The following RBM27 variants were observed in gnomAD, a reference collection of about 807,000 sequenced individuals.
The protein encoded by RBM27 is RNA binding motif protein 27, also known as RNA-binding protein 27.
In RBM27, 22 loss-of-function variants were observed where a neutral mutation model predicts 135.3. The observed-to-expected ratio is 0.16, with a 90% confidence interval of 0.12 to 0.23. The LOEUF (loss-of-function observed/expected upper bound fraction) is 0.23. Ranked by LOEUF, RBM27 falls within the 10% of genes least tolerant of loss-of-function variation. The probability of loss-of-function intolerance (pLI) is 1.00; values close to 1 mark genes in which losing one functional copy is unlikely to be tolerated. For synonymous variants in RBM27, 481 were observed against 442.4 expected, an observed-to-expected ratio of 1.09 and a Z score of -1.10; for missense variants, 1,009 against 1,281.0, an observed-to-expected ratio of 0.79 and a Z score of 3.24.
Position 146,251,693 on chromosome 5 carries a change from C to A in RBM27, c.1280-18C>A. The A allele has an allele frequency of 6.3e-7, 1 of 1,589,960 alleles. No individual in the cohort carries two copies. Among genetic ancestry groups the A allele is most frequent in the Non-Finnish European group, 8.6e-7 (1 of 1,158,744 alleles). ...GTGACTCTCATTCCCAGCTGCCCTC[C>A]TATTCTTTCCTCTATAGGACAGCCC... On this transcript the variant is annotated intron_variant, in intron 8 of 20. Transcript: ENST00000265271.
intron 9 of RBM27, among the ~76,000 whole-genome samples, chr5:146,252,271 A>G (rs920405695): frequency 6.6e-6 from 1 of 152,218 alleles, no homozygotes; most frequent in African/African-American, 2.4e-5. Context: ...TGCCGATCAT[A>G]TCCTTTTTCC....
At chr5:146,269,117 A>G (rs987724976) in intron 15 of RBM27, 90 bp from the exon 16 acceptor site, 5 of 772,656 alleles carry the variant, frequency 6.5e-6, no homozygotes, top group African/African-American at 1.7e-5. Context: ...TATTAGGAGG[A>G]CAGTCTGTCT....
chr5:146,248,999 T>G (rs1757760258), intron 8 of RBM27, among the ~76,000 whole-genome samples: 1 of 152,194 alleles, frequency 6.6e-6, no homozygotes, highest in Non-Finnish European at 1.5e-5. Flanking sequence ...TTTTTTCTTT[T>G]AAAGACAGCA....
intron 19 of RBM27, among the ~76,000 whole-genome samples, chr5:146,278,760 C>T (rs1249898419): frequency 1.3e-5 from 2 of 151,458 alleles, no homozygotes; most frequent in African/African-American, 4.9e-5. Context: ...GTCTGGCTGC[C>T]TCCCAGGCTG....
intron 18 of RBM27, 31 bp from the exon 19 acceptor site, chr5:146,271,452 A>G (rs747403667): frequency 3.0e-5 from 47 of 1,552,160 alleles, no homozygotes; most frequent in Non-Finnish European, 4.0e-5. Flanking sequence ...CTAATAATGT[A>G]TGCTACATTC....
In RBM27 at chr5:146,286,779, T is replaced by A. The variant is rs1279433261; in HGVS notation, c.*749T>A. ...TGAGCGCTGGTTCGGCTGGTCTTTT[T>A]AAAAATTTTTATAACTCAGAATGTA... is the stretch of plus-strand genomic sequence containing the variant. On this transcript the variant is annotated 3_prime_UTR_variant, in exon 21 of 21. Transcript: ENST00000265271. 2 of 152,138 alleles carry A rather than the reference T, an allele frequency of 1.3e-5. No homozygotes were observed. The highest frequency in any genetic ancestry group is 4.8e-5 in the African/African-American group (2 of 41,428). 9.4% of individuals were successfully genotyped at this position (152,138 alleles called of 1,614,324 possible).
chr5:146,262,960 T>A (rs1758461232), intron 13 of RBM27, among the ~76,000 whole-genome samples: 1 of 151,544 alleles, frequency 6.6e-6, no homozygotes, highest in African/African-American at 2.4e-5. Flanking sequence ...TCAGTCTTGG[T>A]TCACTGCAAC....
intron 8 of RBM27, among the ~76,000 whole-genome samples, chr5:146,248,920 A>G (rs1757755790): frequency 1.3e-5 from 2 of 152,236 alleles, no homozygotes; most frequent in African/African-American, 2.4e-5. Flanking sequence ...CATTTAAAGT[A>G]GTCATATGGA....
At chr5:146,241,830 T>A (rs540537508) in intron 8 of RBM27, among the ~76,000 whole-genome samples, 1 of 152,354 alleles carries the variant, frequency 6.6e-6, no homozygotes, top group South Asian at 2.1e-4. Flanking sequence ...TAGCAGCTTG[T>A]TATTTTGCCA....
intron 2 of RBM27, 82 bp downstream of exon 2, chr5:146,219,185 C>A (rs1159923269): frequency 1.1e-5 from 10 of 950,848 alleles, no homozygotes; most frequent in African/African-American, 1.0e-4. Context: ...GAGATATAAG[C>A]TTGATAGGAA....
At chr5:146,272,710 G>T (rs1431762646) in intron 19 of RBM27, among the ~76,000 whole-genome samples, 1 of 147,646 alleles carries the variant, frequency 6.8e-6, no homozygotes, top group Non-Finnish European at 1.5e-5. Flanking sequence ...CCACAAGAGC[G>T]AAACTCCATC....
Position 146,254,739 on chromosome 5 carries a change from A to G in RBM27, c.1445-204A>G, listed in dbSNP as rs1384475570. On this transcript the variant is annotated intron_variant, in intron 9 of 20. Transcript: ENST00000265271. ...TGCAAATACCACCACCCTGTTTTAT[A>G]TCAAAGTCTTGAACATTTGTGCATT... Among the ~76,000 whole-genome samples, 6 of 152,216 alleles carry G rather than the reference A, an allele frequency of 3.9e-5. No homozygotes were observed. In the East Asian group the frequency reaches 1.2e-3, roughly 29 times the overall value.
chr5:146,285,353 A>G (rs1383091562), intron 20 of RBM27, among the ~76,000 whole-genome samples: 2 of 152,164 alleles, frequency 1.3e-5, no homozygotes, highest in Non-Finnish European at 2.9e-5. Flanking sequence ...GCTAGCATTT[A>G]TAGTTTGATC....
intron 8 of RBM27, among the ~76,000 whole-genome samples, chr5:146,245,536 A>G (rs975585736): frequency 2.6e-5 from 4 of 152,202 alleles, no homozygotes; most frequent in African/African-American, 9.7e-5. Flanking sequence ...CTTTCAGAAA[A>G]TACTTTCCTA....
At chr5:146,204,325 CTG>C (rs1755533177) in intron 1 of RBM27, among the ~76,000 whole-genome samples, 1 of 152,044 alleles carries the variant, frequency 6.6e-6, no homozygotes. Flanking sequence ...GACATTGAAA[CTG>C]TATAGCGATT....
intron 3 of RBM27, among the ~76,000 whole-genome samples, chr5:146,228,377 G>A (rs1293070057): frequency 6.6e-6 from 1 of 150,500 alleles, no homozygotes; most frequent in African/African-American, 2.5e-5. Flanking sequence ...TGCCTCCTGG[G>A]TTCAAATGAT....
chr5:146,234,070 G>A (rs1757061371), intron 7 of RBM27, among the ~76,000 whole-genome samples: 2 of 151,986 alleles, frequency 1.3e-5, no homozygotes, highest in Non-Finnish European at 2.9e-5. Flanking sequence ...GTCTCATTAT[G>A]TTGGCCAGGT....
intron 3 of RBM27, among the ~76,000 whole-genome samples, chr5:146,225,950 C>A (rs1180265112): frequency 6.6e-6 from 1 of 151,852 alleles, no homozygotes; most frequent in African/African-American, 2.4e-5. Flanking sequence ...GCAACCTCTA[C>A]CTTTCAGGTT....
chr5:146,284,589 C>A, intron 19 of RBM27, 33 bp from the exon 20 acceptor site: 2 of 1,384,978 alleles, frequency 1.4e-6, no homozygotes, highest in Non-Finnish European at 2.0e-6. Flanking sequence ...AATTTGAGTG[C>A]AAACTTGTAT....
Sources: gnomAD v4.1 joint callset for allele counts (sites outside exome capture counted in the v4.1 genomes callset) on GRCh38, gnomAD v4.1.1 for gene constraint, MANE v1.5 for transcripts, NCBI Gene and HGNC (gene_info 2026-07-23, HGNC 2026-07-21) for gene names.